Variants in FBF1 observed in about 807,000 individuals in gnomAD.
FBF1 encodes Fas binding factor 1, also known as fas-binding factor 1.
Under a neutral mutation model 147.2 loss-of-function variants are expected in FBF1, and 119 were observed. The observed-to-expected ratio is 0.81, with a 90% CI of 0.70 to 0.94. FBF1 has a LOEUF of 0.94. Ranked by LOEUF, FBF1 falls within the 40% of genes least tolerant of loss-of-function variation. FBF1 has a pLI of 0.00. For synonymous variants in FBF1, 601 were observed against 609.0 expected, an observed-to-expected ratio of 0.99 and a Z score of 0.19; for missense variants, 1,449 against 1,500.8, an observed-to-expected ratio of 0.97 and a Z score of 0.57.
Position 75,913,144 on chromosome 17 carries a change from CTTTT to C in FBF1, c.3247+554_3247+557del, listed in dbSNP as rs869041751. ...GACTCAGGAGTGGCGTTGAGGGTGACTTTTTTTTTTTTTTTTTTTTTTTAAACGG... is the reference window on the plus strand; with the variant it reads ...GACTCAGGAGTGGCGTTGAGGGTGACTTTTTTTTTTTTTTTTTTTAAACGG... On this transcript the variant is annotated intron_variant, in intron 28 of 29. Transcript: ENST00000636174. Among the ~76,000 whole-genome samples the C allele has an allele frequency of 1.8e-3, 225 of 124,038 alleles. 1 individual carries two copies. The highest frequency in any genetic ancestry group is 2.8e-3 in the Non-Finnish European group (164 of 59,346). 81.4% of individuals were successfully genotyped at this position (124,038 alleles called of 152,430 possible). A position where few individuals can be genotyped will look rare whatever the true frequency, so the allele number is the denominator to read the frequency against.
At position 75,909,725 on chromosome 17, in the gene FBF1, C is replaced by G. The variant is rs1269779579; in HGVS notation, c.*998G>C. 1 of 585,418 alleles carries G rather than the reference C, an allele frequency of 1.7e-6. No individual in the cohort carries two copies. Among genetic ancestry groups the G allele is most frequent in the East Asian group, 2.8e-5 (1 of 35,984 alleles). 36.3% of individuals were successfully genotyped at this position (585,418 alleles called of 1,614,324 possible). A position where few individuals can be genotyped will look rare whatever the true frequency, so the allele number is the denominator to read the frequency against. ...GAGGGGAGAGGCACGTGGCCAGAGG[C>G]GCCTGGTCCTGACCAATCTTATAGG... is the stretch of plus-strand genomic sequence containing the variant. On this transcript the variant is annotated 3_prime_UTR_variant, in exon 30 of 30. Coordinates refer to ENST00000636174, the MANE Select transcript of FBF1 (RefSeq NM_001319193.2).
chr17:75,938,587 C>A (rs1240150363), intron 1 of FBF1, among the ~76,000 whole-genome samples: 2 of 143,832 alleles, frequency 1.4e-5, no homozygotes, highest in Admixed American at 6.9e-5. Flanking sequence ...AGAGACCGGG[C>A]GCGATGGCTC....
At chr17:75,920,678 G>A (rs959357889) in intron 17 of FBF1, among the ~76,000 whole-genome samples, 13 of 152,154 alleles carry the variant, frequency 8.5e-5, no homozygotes, top group South Asian at 2.1e-4. Flanking sequence ...CATGGTCTCC[G>A]GCTTCCCAGA....
At chr17:75,927,330 G>A (rs549417048) in intron 9 of FBF1, 125 bp downstream of exon 9, 58 of 742,160 alleles carry the variant, frequency 7.8e-5, no homozygotes, top group South Asian at 3.4e-4. Context: ...ATGAATTCAC[G>A]AGGAAGTAAA....
rs1216909177 is a variant in FBF1, at chr17:75,925,746, T to G, written c.868+284A>C. ...AGAAACATGTCCAGAGCAGTGCTTT[T>G]CAAATGCGAGCTGCTACCCATGAGA... is the stretch of plus-strand genomic sequence containing the variant. On this transcript the variant is annotated intron_variant, in intron 12 of 29. Transcript: ENST00000636174. The surrounding 1 kb of genome is among the most constrained non-coding windows in gnomAD (Gnocchi z 5.0). 6.6e-6 allele frequency among the ~76,000 whole-genome samples: 1 copy of G among 152,210 alleles called. No homozygotes were observed. The highest frequency in any genetic ancestry group is 2.4e-5 in the African/African-American group (1 of 41,456).
At chr17:75,932,913 G>T in intron 5 of FBF1, 82 bp downstream of exon 5, 25 of 821,656 alleles carry the variant, frequency 3.0e-5, no homozygotes, top group South Asian at 4.5e-5. Context: ...GAGCAAATGT[G>T]AAGTAGAAAG....
intron 5 of FBF1, among the ~76,000 whole-genome samples, chr17:75,931,963 A>G (rs2065597163): frequency 6.6e-6 from 1 of 152,220 alleles, no homozygotes; most frequent in Admixed American, 6.5e-5. Flanking sequence ...AGGATAAGAA[A>G]ATGAGGGCTC....
rs1347223786 is a variant in FBF1, at chr17:75,925,534, G to C, written c.869-88C>G. On this transcript the variant is annotated intron_variant, in intron 12 of 29. Coordinates refer to ENST00000636174, the MANE Select transcript of FBF1 (RefSeq NM_001319193.2). The surrounding 1 kb of genome is among the most constrained non-coding windows in gnomAD (Gnocchi z 5.0). The stretch of plus-strand genomic sequence containing the variant: ...CAAAATTCTAACAAAAGCTGAATTT[G>C]GTAGCTTGTTGTGTAAGACAAGCAG... The C allele has an allele frequency of 8.6e-7, 1 of 1,164,742 alleles. No homozygotes were observed. The highest frequency in any genetic ancestry group is 1.2e-6 in the Non-Finnish European group (1 of 809,684). The allele number at this position is 1,164,742 out of a possible 1,614,324, so 72.2% of individuals were successfully genotyped here. A position where few individuals can be genotyped will look rare whatever the true frequency, so the allele number is the denominator to read the frequency against.
chr17:75,911,238 T>C (rs2065455105), intron 29 of FBF1, among the ~76,000 whole-genome samples: 1 of 152,136 alleles, frequency 6.6e-6, no homozygotes, highest in Non-Finnish European at 1.5e-5. Flanking sequence ...CGAGGCAACA[T>C]CGTGAGACCC....
At position 75,925,990 on chromosome 17, in the gene FBF1, C is replaced by T; in HGVS notation, c.868+40G>A. On this transcript the variant is annotated intron_variant, in intron 12 of 29. Coordinates refer to ENST00000636174, the MANE Select transcript of FBF1 (RefSeq NM_001319193.2). The surrounding 1 kb of genome is among the most constrained non-coding windows in gnomAD (Gnocchi z 5.0). ...TGTGATGAAAGCCTGATCTAGAGGC[C>T]TCCCTCCCGTCCTGTTGCGGCCCCC... 6.4e-7 allele frequency: 1 copy of T among 1,562,868 alleles called. No homozygotes were observed. Among genetic ancestry groups the T allele is most frequent in the Non-Finnish European group, 8.7e-7 (1 of 1,154,026 alleles).
rs1158297240 is a variant in FBF1, at chr17:75,933,196, G to A, written c.74-108C>T. 2.5e-5 allele frequency: 20 copies of A among 794,570 alleles called. 1 individual carries two copies. The South Asian group carries it at 3.7e-4, about 15-fold the overall frequency. The allele number at this position is 794,570 out of a possible 1,614,324, so 49.2% of individuals were successfully genotyped here. On this transcript the variant is annotated intron_variant, in intron 4 of 29. Coordinates refer to ENST00000636174, the MANE Select transcript of FBF1 (RefSeq NM_001319193.2). ...CAAGCTGTCTCTGTATTAGGAGGAA[G>A]AAATCTGGCCAAATAGGCAGGTCCC...
rs2065468600 is a variant in FBF1 at position 75,913,642 on chromosome 17, C to A, written c.3247+60G>T. The A allele has an allele frequency of 2.1e-6, 3 of 1,410,274 alleles. No homozygotes were observed. The Admixed American group carries it at 7.0e-5, about 33-fold the overall frequency. The allele number at this position is 1,410,274 out of a possible 1,614,324, so 87.4% of individuals were successfully genotyped here. A position where few individuals can be genotyped will look rare whatever the true frequency, so the allele number is the denominator to read the frequency against. ...GAGCGGCTGGAGGAGGGCCTGCCCA[C>A]TCCTAGCACTGCCCCTGCCCAGTCC... On this transcript the variant is annotated intron_variant, in intron 28 of 29. Transcript: ENST00000636174.
chr17:75,925,249 A>C lies in FBF1; in HGVS notation c.968+98T>G. On this transcript the variant is annotated intron_variant, in intron 13 of 29. Transcript: ENST00000636174. This position sits in a 1 kb window ranked among gnomAD's most constrained non-coding sequence, Gnocchi z 5.0. ...GGCCTTGTACCCTGTGGCCTCCCAC[A>C]TGAGACTCTCGGGTGGGACAGGGGA... 2 of 896,374 alleles carry C rather than the reference A, an allele frequency of 2.2e-6. No homozygotes were observed. Among genetic ancestry groups the C allele is most frequent in the Non-Finnish European group, 3.4e-6 (2 of 592,316 alleles). The allele number at this position is 896,374 out of a possible 1,614,324, so 55.5% of individuals were successfully genotyped here.
rs1599478044 is a variant in FBF1 at position 75,909,937 on chromosome 17, C to G, written c.*786G>C. On this transcript the variant is annotated 3_prime_UTR_variant, in exon 30 of 30. Coordinates refer to ENST00000636174, the MANE Select transcript of FBF1 (RefSeq NM_001319193.2). ...AAACCTCTGTAGTTGTGATTGGTTC[C>G]TTGTCGCCTCCACTGCGTACCCGCT... 1 of 699,584 alleles carries G rather than the reference C, an allele frequency of 1.4e-6. No homozygotes were observed. The highest frequency in any genetic ancestry group is 2.6e-6 in the Non-Finnish European group (1 of 383,304). The allele number at this position is 699,584 out of a possible 1,614,324, so 43.3% of individuals were successfully genotyped here.
At chr17:75,920,487 A>C (rs1354565517) in intron 17 of FBF1, 58 bp from the exon 18 acceptor site, 21 of 1,506,662 alleles carry the variant, frequency 1.4e-5, no homozygotes, top group Non-Finnish European at 1.6e-5. Context: ...CCCAGCTGAG[A>C]TCAGCTACCT....
Position 75,915,211 on chromosome 17 carries a change from G to A in FBF1, c.2506-72C>T, listed in dbSNP as rs554241579. On this transcript the variant is annotated intron_variant, in intron 23 of 29. Coordinates refer to ENST00000636174, the MANE Select transcript of FBF1 (RefSeq NM_001319193.2). Reference sequence around the variant, plus strand: ...ATCACGCCTGGCCACTCCCTGAGAAGCTGCATGAACCCACCAGTGTCTCCC... The same window carrying A: ...ATCACGCCTGGCCACTCCCTGAGAAACTGCATGAACCCACCAGTGTCTCCC... 2.6e-5 allele frequency: 40 copies of A among 1,526,136 alleles called. No homozygotes were observed. In the South Asian group the frequency reaches 4.4e-4, roughly 17 times the overall value. 94.5% of individuals were successfully genotyped at this position (1,526,136 alleles called of 1,614,324 possible). A position where few individuals can be genotyped will look rare whatever the true frequency, so the allele number is the denominator to read the frequency against.
chr17:75,929,945 A>AGGGGGCCCCCCCCCCCCC, intron 7 of FBF1, 52 bp downstream of exon 7: 3 of 650,896 alleles, frequency 4.6e-6, no homozygotes, highest in Non-Finnish European at 8.4e-6. Context: ...AAATATCATG[A>AGGGGGCCCCCCCCCCCCC]CCCCACCCCA....
chr17:75,917,616 TG>T, intron 23 of FBF1, 115 bp downstream of exon 23: 1 of 910,298 alleles, frequency 1.1e-6, no homozygotes, highest in Non-Finnish European at 1.6e-6. Flanking sequence ...AAGCGGCAGG[TG>T]GGGCCTTGAC....
chr17:75,935,503 A>G lies in FBF1; in HGVS notation c.73+129T>C, dbSNP rs2065618879. On this transcript the variant is annotated intron_variant, in intron 4 of 29. Coordinates refer to ENST00000636174, the MANE Select transcript of FBF1 (RefSeq NM_001319193.2). ...TGTAGTGGCTTATGCCTGTAATCCC[A>G]GCACTTTGGTTTAGGAGGCGGGAGG... The G allele has an allele frequency of 8.6e-6, 8 of 927,482 alleles. No individual in the cohort carries two copies. The East Asian group carries it at 2.2e-4, about 25-fold the overall frequency. The allele number at this position is 927,482 out of a possible 1,614,324, so 57.5% of individuals were successfully genotyped here.
Sources: gnomAD v4.1 joint callset for allele counts (sites outside exome capture counted in the v4.1 genomes callset) on GRCh38, gnomAD v4.1.1 for gene constraint, Gnocchi (gnomAD v3.1) non-coding constraint, MANE v1.5 for transcripts, NCBI Gene and HGNC (gene_info 2026-07-23, HGNC 2026-07-21) for gene names.